The following RNF216 variants were observed in gnomAD, a reference collection of about 807,000 sequenced individuals.
RNF216 encodes E3 ubiquitin-protein ligase RNF216.
In RNF216, 72 loss-of-function variants were observed where a neutral mutation model predicts 110.8. That is an observed-to-expected ratio of 0.65 (90% CI 0.54 to 0.79). The LOEUF is 0.79. RNF216 is among the 30% of genes least tolerant of loss of function. The pLI, the probability that RNF216 is intolerant of heterozygous loss-of-function variation, is 0.00. For synonymous variants in RNF216, 495 were observed against 407.5 expected (o/e 1.21, Z -2.59); for missense variants, 1,342 against 1,141.2 (o/e 1.18, Z -2.54).
intron 7 of RNF216, 31 bp from the exon 8 acceptor site, chr7:5,725,469 T>G (rs370642635): frequency 1.6e-6 from 2 of 1,279,836 alleles, no homozygotes; most frequent in Non-Finnish European, 2.3e-6. Flanking sequence ...AGGTTCCTTC[T>G]GTAAATAGAA....
intron 13 of RNF216, among the ~76,000 whole-genome samples, chr7:5,653,874 C>T (rs147564353): frequency 0.018 from 2,682 of 152,242 alleles, 36 homozygotes; most frequent in Non-Finnish European, 0.028. Context: ...CAGGCAAAGC[C>T]GGGCATGTTC....
At chr7:5,751,024 T>A (rs1169905479) in intron 3 of RNF216, among the ~76,000 whole-genome samples, 1 of 152,252 alleles carries the variant, frequency 6.6e-6, no homozygotes, top group Non-Finnish European at 1.5e-5. Flanking sequence ...TTGGTTTTAG[T>A]TGGGGCCCTA....
At chr7:5,726,042 T>C (rs542143850) in intron 7 of RNF216, among the ~76,000 whole-genome samples, 1 of 152,202 alleles carries the variant, frequency 6.6e-6, no homozygotes, top group Admixed American at 6.5e-5. Flanking sequence ...TGTGGGAGGA[T>C]GACGGGGGTG....
chr7:5,653,373 G>C (rs1194577286), intron 13 of RNF216, among the ~76,000 whole-genome samples: 1 of 151,920 alleles, frequency 6.6e-6, no homozygotes, highest in African/African-American at 2.4e-5. Context: ...GGCGGATCAC[G>C]AGGTCATGAG....
chr7:5,639,522 G>A (rs1217046509), intron 15 of RNF216, among the ~76,000 whole-genome samples: 1 of 151,838 alleles, frequency 6.6e-6, no homozygotes, highest in Non-Finnish European at 1.5e-5. Context: ...GGAGTATAGT[G>A]GCACGATCTC....
chr7:5,694,421 A>G (rs1448124677), intron 13 of RNF216, among the ~76,000 whole-genome samples: 2 of 146,378 alleles, frequency 1.4e-5, no homozygotes, highest in East Asian at 1.9e-4. Flanking sequence ...TATCTGGGTA[A>G]TAACATTTGA....
At chr7:5,776,520 G>A (rs1377776290) in intron 1 of RNF216, among the ~76,000 whole-genome samples, 7 of 150,872 alleles carry the variant, frequency 4.6e-5, no homozygotes, top group South Asian at 2.1e-4. Flanking sequence ...GCGAGAACCC[G>A]GGAGGCGGAG....
intron 11 of RNF216, 125 bp from the exon 12 acceptor site, chr7:5,712,988 CT>C (rs1792814701): frequency 1.1e-6 from 1 of 870,300 alleles, no homozygotes; most frequent in South Asian, 1.9e-5. Flanking sequence ...CTGTTCATCT[CT>C]GAGAAATCAC....
chr7:5,723,373 G>A lies in RNF216; in HGVS notation c.1504+1951C>T, dbSNP rs142165156. ...TTAAAAAATAAATGCAATTGGCCGG[G>A]TGCGGTGGCTCAAGCCTGTAATCTC... On this transcript the variant is annotated intron_variant, in intron 8 of 16. Transcript: ENST00000389902. Among the ~76,000 whole-genome samples, 365 of 152,232 alleles carry A rather than the reference G, an allele frequency of 2.4e-3. 1 individual carries two copies. The highest frequency in any genetic ancestry group is 8.5e-3 in the African/African-American group (353 of 41,532).
intron 7 of RNF216, among the ~76,000 whole-genome samples, chr7:5,728,754 G>C (rs925717516): frequency 6.6e-6 from 1 of 152,210 alleles, no homozygotes; most frequent in Non-Finnish European, 1.5e-5. Flanking sequence ...CACTGTGTTT[G>C]CTGAGAATCA....
chr7:5,661,557 T>G (rs1789138667), intron 13 of RNF216, among the ~76,000 whole-genome samples: 1 of 152,072 alleles, frequency 6.6e-6, no homozygotes, highest in Admixed American at 6.6e-5. Flanking sequence ...AATCCAAGCA[T>G]TTTGGGAGGC....
intron 4 of RNF216, among the ~76,000 whole-genome samples, chr7:5,740,720 A>G (rs1221242686): frequency 6.6e-6 from 1 of 152,130 alleles, no homozygotes; most frequent in African/African-American, 2.4e-5. Context: ...GACTGCAGGT[A>G]TGACAGCACC....
At chr7:5,722,839 T>C (rs778404252) in intron 8 of RNF216, among the ~76,000 whole-genome samples, 4 of 149,256 alleles carry the variant, frequency 2.7e-5, no homozygotes, top group East Asian at 1.9e-4. Flanking sequence ...CTGTCCAACA[T>C]GGTGAAACCC....
intron 1 of RNF216, among the ~76,000 whole-genome samples, chr7:5,773,068 C>T (rs1796582983): frequency 6.6e-6 from 1 of 152,110 alleles, no homozygotes; most frequent in African/African-American, 2.4e-5. Flanking sequence ...GCATGAGCCA[C>T]CATGCCTGGC....
chr7:5,755,648 C>A lies in RNF216; in HGVS notation c.68-2669G>T, dbSNP rs10951961. On this transcript the variant is annotated intron_variant, in intron 2 of 16. Coordinates refer to ENST00000389902, the MANE Select transcript of RNF216 (RefSeq NM_207111.4). ...ATACTGCATGCTGTTATAATTCTTT[C>A]TTGTATATAATCCACTATATGAATA... Among the ~76,000 whole-genome samples the A allele has an allele frequency of 2.0e-5, 3 of 152,242 alleles. No homozygotes were observed. The South Asian group carries it at 6.2e-4, about 32-fold the overall frequency.
intron 8 of RNF216, among the ~76,000 whole-genome samples, chr7:5,721,586 T>G (rs1487857379): frequency 6.6e-6 from 1 of 152,252 alleles, no homozygotes; most frequent in Admixed American, 6.5e-5. Flanking sequence ...GGGATAGGCT[T>G]ACTTCCAGCT....
At chr7:5,676,372 T>A (rs915932352) in intron 13 of RNF216, among the ~76,000 whole-genome samples, 6 of 152,152 alleles carry the variant, frequency 3.9e-5, no homozygotes, top group African/African-American at 1.4e-4. Context: ...TATGCAAACT[T>A]TTAACACAAA....
intron 13 of RNF216, among the ~76,000 whole-genome samples, chr7:5,661,722 G>A (rs535479918): frequency 1.1e-4 from 17 of 152,126 alleles, no homozygotes; most frequent in Non-Finnish European, 2.2e-4. Flanking sequence ...AGAATCGTTC[G>A]AACCTGGGAG....
rs115202209 is a variant in RNF216, at chr7:5,721,185, C to T, written c.1505-13G>A. 1,031 of 1,611,914 alleles carry T rather than the reference C, an allele frequency of 6.4e-4. 9 individuals are homozygous for T. In the African/African-American group the frequency reaches 0.012, roughly 20 times the overall value. On this transcript the variant is annotated splice_polypyrimidine_tract_variant and intron_variant, in intron 8 of 16. Coordinates refer to ENST00000389902, the MANE Select transcript of RNF216 (RefSeq NM_207111.4). ...ATTTTTATGTCACCTAGAAGATATA[C>T]GACAATGCAAAAGCATGCAGACAAC...
Sources: allele counts gnomAD v4.1 joint callset (sites outside exome capture counted in the v4.1 genomes callset), GRCh38; gene constraint gnomAD v4.1.1; transcripts MANE v1.5; gene names NCBI Gene and HGNC (gene_info 2026-07-23, HGNC 2026-07-21).